SLC4A7: variants seen among roughly 807,000 people sequenced by gnomAD.
SLC4A7 encodes solute carrier family 4 member 7, also known as sodium bicarbonate cotransporter 3.
Under a neutral mutation model 137.6 loss-of-function variants are expected in SLC4A7, and 51 were observed. The ratio of observed to expected loss-of-function variants is 0.37; its 90% CI spans 0.30 to 0.47. The LOEUF is 0.47. Among genes scored for constraint, SLC4A7 ranks in the 20% least tolerant of loss-of-function variants. The pLI is 1.00. For missense variants in SLC4A7, 1,247 were observed against 1,525.4 expected, an observed-to-expected ratio of 0.82 and a Z score of 3.04; for synonymous variants, 542 against 518.6, an observed-to-expected ratio of 1.05 and a Z score of -0.61.
intron 10 of SLC4A7, among the ~76,000 whole-genome samples, chr3:27,420,005 G>A (rs561537507): frequency 1.0e-3 from 153 of 151,956 alleles, no homozygotes; most frequent in African/African-American, 3.6e-3. Flanking sequence ...TGGCCAACAC[G>A]GTGAAACCCC....
intron 1 of SLC4A7, among the ~76,000 whole-genome samples, chr3:27,482,636 G>A (rs2059762891): frequency 6.6e-6 from 1 of 152,168 alleles, no homozygotes; most frequent in Admixed American, 6.5e-5. Flanking sequence ...GCTGGGCATA[G>A]TGGTGCGTGC....
intron 13 of SLC4A7, among the ~76,000 whole-genome samples, chr3:27,409,136 C>CT (rs1056848665): frequency 6.6e-6 from 1 of 152,034 alleles, no homozygotes; most frequent in Non-Finnish European, 1.5e-5. Context: ...CCAAAGTAAA[C>CT]TTTTTTTTAA....
chr3:27,377,026 G>A (rs2049959200), intron 25 of SLC4A7, among the ~76,000 whole-genome samples, 181 bp from the exon 26 acceptor site: 1 of 151,924 alleles, frequency 6.6e-6, no homozygotes, highest in Non-Finnish European at 1.5e-5. Context: ...ATTAAAAATT[G>A]TTTTTTAAAA....
chr3:27,443,081 G>C (rs1248745762), intron 3 of SLC4A7, among the ~76,000 whole-genome samples: 1 of 143,488 alleles, frequency 7.0e-6, no homozygotes, highest in Non-Finnish European at 1.5e-5. Context: ...GCCCAGGCTG[G>C]AGTGCAGTGG....
At chr3:27,454,995 C>T (rs114001702) in intron 1 of SLC4A7, among the ~76,000 whole-genome samples, 1 of 149,890 alleles carries the variant, frequency 6.7e-6, no homozygotes, top group East Asian at 1.9e-4. Context: ...CCCACATGTA[C>T]CAAACATGAC....
intron 20 of SLC4A7, among the ~76,000 whole-genome samples, chr3:27,392,669 A>T (rs73149789): frequency 6.6e-6 from 1 of 151,852 alleles, no homozygotes; most frequent in Non-Finnish European, 1.5e-5. Context: ...TCTACCAAAA[A>T]CACAAAAATT....
chr3:27,472,098 C>T (rs2059270513), intron 1 of SLC4A7, among the ~76,000 whole-genome samples: 1 of 152,202 alleles, frequency 6.6e-6, no homozygotes, highest in Non-Finnish European at 1.5e-5. Flanking sequence ...TCAAAGCTCA[C>T]AACCATAACA....
intron 1 of SLC4A7, among the ~76,000 whole-genome samples, chr3:27,483,204 A>C (rs1428623296): frequency 6.6e-6 from 1 of 152,240 alleles, no homozygotes; most frequent in African/African-American, 2.4e-5. Flanking sequence ...CATGTGCTCT[A>C]AAGAAAGCAG....
chr3:27,380,620 A>G (rs967672554), intron 24 of SLC4A7, among the ~76,000 whole-genome samples: 4 of 152,238 alleles, frequency 2.6e-5, no homozygotes, highest in South Asian at 4.1e-4. Flanking sequence ...ACAAATGACT[A>G]AACAGCAGTC....
chr3:27,484,235 A>C lies in SLC4A7; in HGVS notation c.-109T>G. ...CCGAGCCCCCGGCGCGCGAGGACAAACGTGGGTGCGTCCGTGCGCGAGGTG... is the reference window on the plus strand; with the variant it reads ...CCGAGCCCCCGGCGCGCGAGGACAACCGTGGGTGCGTCCGTGCGCGAGGTG... On this transcript the variant is annotated 5_prime_UTR_variant, in exon 1 of 26. Transcript: ENST00000454389. 3 of 911,816 alleles carry C rather than the reference A, an allele frequency of 3.3e-6. No individual in the cohort carries two copies. The highest frequency in any genetic ancestry group is 2.9e-6 in the Non-Finnish European group (2 of 700,604). 56.5% of individuals were successfully genotyped at this position (911,816 alleles called of 1,614,324 possible).
At position 27,456,696 on chromosome 3, in the gene SLC4A7, A is replaced by G. The variant is rs1263349484; in HGVS notation, c.61-4198T>C. 4 of 1,611,194 alleles carry G rather than the reference A, an allele frequency of 2.5e-6. No individual in the cohort carries two copies. The Admixed American group carries it at 6.7e-5, about 27-fold the overall frequency. ...GAAATCTTTCCATAGTAATATAGAA[A>G]TGCCTTGTTTCTGATGATGTAATGC... On this transcript the variant is annotated intron_variant, in intron 1 of 25. Transcript: ENST00000454389.
chr3:27,408,607 A>T (rs2053610224), intron 13 of SLC4A7, among the ~76,000 whole-genome samples: 1 of 152,204 alleles, frequency 6.6e-6, no homozygotes, highest in Non-Finnish European at 1.5e-5. Context: ...GAATAAATAC[A>T]ATTAAGTAAA....
In SLC4A7 at chr3:27,431,511, G is replaced by A; in HGVS notation, c.937C>T (p.Pro313Ser). ...GAAGGAGGACTGTTTTGAGGGGTGG[G>A]TACTGGGGTTGTACACCTTGAGCCT... ...PAGSRCTTPV[P>S]TPQNSPPSSP... The change falls in exon 7 of 26, where the codon CCC becomes TCC. Residue 313 changes from proline (P) to serine (S), a missense_variant. Physicochemically the swap from Pro to Ser is moderately conservative, Grantham distance 74. Coordinates refer to ENST00000454389, the MANE Select transcript of SLC4A7 (RefSeq NM_001321103.2). 6.2e-7 allele frequency: 1 copy of A among 1,614,070 alleles called. No individual in the cohort carries two copies. The highest frequency in any genetic ancestry group is 1.1e-5 in the South Asian group (1 of 91,076).
At chr3:27,381,861 G>A (rs1023210687) in intron 24 of SLC4A7, among the ~76,000 whole-genome samples, 6 of 152,138 alleles carry the variant, frequency 3.9e-5, no homozygotes, top group Non-Finnish European at 7.3e-5. Context: ...CAAGGCAGGC[G>A]GATCACCTGA....
At chr3:27,463,647 A>G (rs570476733) in intron 1 of SLC4A7, among the ~76,000 whole-genome samples, 2 of 152,308 alleles carry the variant, frequency 1.3e-5, no homozygotes, top group South Asian at 4.1e-4. Context: ...TGGCCTGCGC[A>G]CTGGGATGAG....
chr3:27,410,550 A>T (rs908840283), intron 12 of SLC4A7, among the ~76,000 whole-genome samples: 2 of 152,212 alleles, frequency 1.3e-5, no homozygotes, highest in Non-Finnish European at 2.9e-5. Context: ...ATCTGACAGC[A>T]AGGGAAATCA....
At chr3:27,389,242 A>G (rs2051286186) in intron 22 of SLC4A7, among the ~76,000 whole-genome samples, 1 of 152,114 alleles carries the variant, frequency 6.6e-6, no homozygotes, top group Admixed American at 6.5e-5. Flanking sequence ...CAATACCTCT[A>G]GATGGTTTTT....
At chr3:27,445,963 A>AATATATATATATAT (rs201941653) in intron 3 of SLC4A7, among the ~76,000 whole-genome samples, 10 of 37,516 alleles carry the variant, frequency 2.7e-4, no homozygotes, top group African/African-American at 3.2e-4. Flanking sequence ...AAAAAAAAAA[A>AATATATATATATAT]ATATATATAT....
chr3:27,453,295 G>C (rs2058199328), intron 1 of SLC4A7, among the ~76,000 whole-genome samples: 1 of 152,134 alleles, frequency 6.6e-6, no homozygotes, highest in South Asian at 2.1e-4. Flanking sequence ...GCCACTGCTA[G>C]AGAGAGAACA....
Sources: allele counts gnomAD v4.1 joint callset (sites outside exome capture counted in the v4.1 genomes callset), GRCh38; gene constraint gnomAD v4.1.1; transcripts MANE v1.5; gene names NCBI Gene and HGNC (gene_info 2026-07-23, HGNC 2026-07-21).